Variants in KIAA1958 observed in about 807,000 individuals in gnomAD.
KIAA1958 encodes the protein uncharacterized protein KIAA1958.
In KIAA1958, 14 loss-of-function variants were observed where a neutral mutation model predicts 47.2. The ratio of observed to expected loss-of-function variants is 0.30; its 90% confidence interval spans 0.20 to 0.46. The LOEUF (loss-of-function observed/expected upper bound fraction) is 0.46, where lower values mean the gene tolerates loss of function less well. Ranked by LOEUF, KIAA1958 falls within the 20% of genes least tolerant of loss-of-function variation. KIAA1958 has a pLI of 1.00. For synonymous variants in KIAA1958, 354 were observed against 353.3 expected (o/e 1.00, Z -0.02); for missense variants, 803 against 909.2 (o/e 0.88, Z 1.50).
At chr9:112,509,134 C>G (rs1834281651) in intron 1 of KIAA1958, among the ~76,000 whole-genome samples, 1 of 149,172 alleles carries the variant, frequency 6.7e-6, no homozygotes, top group Non-Finnish European at 1.5e-5. Context: ...AAGCTTATCA[C>G]AGAGAAGTTC....
intron 1 of KIAA1958, among the ~76,000 whole-genome samples, chr9:112,552,095 A>G (rs1457372160): frequency 2.6e-5 from 4 of 152,216 alleles, no homozygotes; most frequent in Admixed American, 1.3e-4. Context: ...TGTGTGTGAC[A>G]GCTTTTGCCT....
chr9:112,635,715 G>C (rs1439458695), intron 2 of KIAA1958, among the ~76,000 whole-genome samples: 1 of 152,046 alleles, frequency 6.6e-6, no homozygotes, highest in African/African-American at 2.4e-5. Flanking sequence ...ACTATTTGTA[G>C]GATCTATAGT....
intron 3 of KIAA1958, among the ~76,000 whole-genome samples, chr9:112,658,705 A>G (rs775862007): frequency 3.9e-5 from 6 of 151,988 alleles, no homozygotes; most frequent in Non-Finnish European, 5.9e-5. Context: ...GACGCCTGTA[A>G]TCCCAGCACT....
intron 2 of KIAA1958, among the ~76,000 whole-genome samples, chr9:112,632,400 G>A (rs11999091): frequency 0.011 from 1,658 of 151,704 alleles, 33 homozygotes; most frequent in African/African-American, 0.038. Flanking sequence ...GATCATCTTT[G>A]TTCATTTATC....
chr9:112,619,745 A>G (rs1588042808), intron 2 of KIAA1958, among the ~76,000 whole-genome samples: 3 of 152,308 alleles, frequency 2.0e-5, no homozygotes, highest in Admixed American at 2.0e-4. Flanking sequence ...ATGAAGTTTG[A>G]CAGGAAATTT....
chr9:112,490,317 A>T lies in KIAA1958; in HGVS notation c.-25+3199A>T, dbSNP rs1049672752. ...CCTGCTCATAATATTTACTTAAGAG[A>T]TCTACATAGTTGCCTGAGGAAGCCC... On this transcript the variant is annotated intron_variant, in intron 1 of 3. Transcript: ENST00000337530. Among the ~76,000 whole-genome samples, 8 of 152,208 alleles carry T rather than the reference A, an allele frequency of 5.3e-5. No homozygotes were observed. In the South Asian group the frequency reaches 1.2e-3, roughly 24 times the overall value.
At chr9:112,635,872 G>A (rs1459765313) in intron 2 of KIAA1958, among the ~76,000 whole-genome samples, 1 of 151,192 alleles carries the variant, frequency 6.6e-6, no homozygotes, top group Non-Finnish European at 1.5e-5. Context: ...GTTCTTAATT[G>A]TAGTGTTTCC....
intron 1 of KIAA1958, among the ~76,000 whole-genome samples, chr9:112,570,035 A>G (rs571160127): frequency 6.6e-6 from 1 of 152,234 alleles, no homozygotes. Flanking sequence ...TATAGTTGAT[A>G]AACAGTGGGA....
Position 112,664,734 on chromosome 9 carries a change from C to T in KIAA1958, c.*4665C>T, listed in dbSNP as rs1486883504. The T allele has an allele frequency of 6.6e-6, 1 of 152,112 alleles. No homozygotes were observed. The highest frequency in any genetic ancestry group is 2.4e-5 in the African/African-American group (1 of 41,400). The allele number at this position is 152,112 out of a possible 1,614,324, so 9.4% of individuals were successfully genotyped here. A position where few individuals can be genotyped will look rare whatever the true frequency, so the allele number is the denominator to read the frequency against. On this transcript the variant is annotated 3_prime_UTR_variant, in exon 4 of 4. Transcript: ENST00000337530. ...TATAAATGAATCACCCTTATTAAAA[C>T]AGGAGGAGGGAGGGATTTGTGGTGA...
At chr9:112,493,904 G>A (rs1304582677) in intron 1 of KIAA1958, among the ~76,000 whole-genome samples, 6 of 152,080 alleles carry the variant, frequency 3.9e-5, no homozygotes, top group Non-Finnish European at 8.8e-5. Context: ...ATTATCTTAG[G>A]TTTTATGGAT....
In KIAA1958 at chr9:112,610,238, G is replaced by A. The variant is rs1836303224; in HGVS notation, c.1171+34987G>A. On this transcript the variant is annotated intron_variant, in intron 2 of 3. Transcript: ENST00000337530. ...AGATGCAGATAACCCAGTACTCAGA[G>A]GAAATTTATATACTTAAAAATTTTA... Among the ~76,000 whole-genome samples, 3 of 151,310 alleles carry A rather than the reference G, an allele frequency of 2.0e-5. No individual in the cohort carries two copies. In the South Asian group the frequency reaches 6.2e-4, roughly 31 times the overall value.
chr9:112,569,213 A>G (rs907640664), intron 1 of KIAA1958, among the ~76,000 whole-genome samples: 1 of 152,176 alleles, frequency 6.6e-6, no homozygotes, highest in Non-Finnish European at 1.5e-5. Flanking sequence ...AGCATTGCCT[A>G]TTAAATTTCC....
chr9:112,649,161 A>AT (rs112802654), intron 3 of KIAA1958, among the ~76,000 whole-genome samples: 72 of 148,120 alleles, frequency 4.9e-4, no homozygotes, highest in Admixed American at 8.1e-4. Context: ...AGAAAAGAGA[A>AT]TTTTTTTTTT....
chr9:112,534,128 G>A (rs929910146), intron 1 of KIAA1958, among the ~76,000 whole-genome samples: 1 of 152,164 alleles, frequency 6.6e-6, no homozygotes, highest in Non-Finnish European at 1.5e-5. Context: ...GTAAAGTGGG[G>A]AATAGCAGAA....
intron 2 of KIAA1958, among the ~76,000 whole-genome samples, chr9:112,584,441 A>G (rs1705983752): frequency 1.3e-5 from 2 of 152,258 alleles, no homozygotes; most frequent in African/African-American, 4.8e-5. Flanking sequence ...TGGAATATTT[A>G]CGAAGGCATT....
At chr9:112,518,075 G>A (rs1272502935) in intron 1 of KIAA1958, among the ~76,000 whole-genome samples, 1 of 152,216 alleles carries the variant, frequency 6.6e-6, no homozygotes, top group African/African-American at 2.4e-5. Context: ...GAAAGCAGCT[G>A]GGAGCGGTGC....
chr9:112,565,935 G>A (rs577436837), intron 1 of KIAA1958, among the ~76,000 whole-genome samples: 117 of 152,168 alleles, frequency 7.7e-4, no homozygotes, highest in Admixed American at 1.5e-3. Flanking sequence ...ACGGAGTCTC[G>A]CTCTGTCGCC....
At chr9:112,562,535 G>T in intron 1 of KIAA1958, among the ~76,000 whole-genome samples, 2 of 152,326 alleles carry the variant, frequency 1.3e-5, no homozygotes, top group Admixed American at 1.3e-4. Flanking sequence ...GGGCAGGGCA[G>T]TTGAGATTCT....
At chr9:112,572,524 C>T (rs1835557695) in intron 1 of KIAA1958, among the ~76,000 whole-genome samples, 1 of 152,114 alleles carries the variant, frequency 6.6e-6, no homozygotes, top group Non-Finnish European at 1.5e-5. Flanking sequence ...GATAACAGTA[C>T]AGCAAAGGCA....
Sources: gnomAD v4.1 joint callset for allele counts (sites outside exome capture counted in the v4.1 genomes callset) on GRCh38, gnomAD v4.1.1 for gene constraint, MANE v1.5 for transcripts, NCBI Gene and HGNC (gene_info 2026-07-23, HGNC 2026-07-21) for gene names.